Variants in GNG2 observed in about 807,000 individuals in gnomAD.
GNG2 encodes guanine nucleotide-binding protein G(I)/G(S)/G(O) subunit gamma-2.
GNG2 carries 5 observed loss-of-function variants against 5.5 expected under a neutral mutation model. The observed-to-expected ratio is 0.91, with a 90% CI of 0.48 to 1.92. The LOEUF is 1.92. GNG2 is among the 30% of genes most tolerant of loss of function. GNG2 has a pLI of 0.01. For synonymous variants in GNG2, 28 were observed against 32.0 expected, an observed-to-expected ratio of 0.88 and a Z score of 0.42; for missense variants, 55 against 88.4, an observed-to-expected ratio of 0.62 and a Z score of 1.52.
intron 2 of GNG2, among the ~76,000 whole-genome samples, chr14:51,842,043 G>A (rs1881498812): frequency 6.6e-6 from 1 of 152,114 alleles, no homozygotes; most frequent in Admixed American, 6.5e-5. Context: ...TGTCAAGAGG[G>A]CCTCCTTTTT....
chr14:51,918,548 C>T (rs1003130080), intron 2 of GNG2: 3 of 152,124 alleles, frequency 2.0e-5, no homozygotes, highest in Admixed American at 6.5e-5. Context: ...AGAATACTTG[C>T]CTTGTGTTTG....
intron 2 of GNG2, among the ~76,000 whole-genome samples, chr14:51,890,695 G>A (rs920322743): frequency 6.6e-6 from 1 of 152,138 alleles, no homozygotes; most frequent in Non-Finnish European, 1.5e-5. Context: ...ATTCAGTTAT[G>A]TATTAAGAAT....
intron 2 of GNG2, among the ~76,000 whole-genome samples, chr14:51,946,939 A>T (rs1433363072): frequency 6.6e-6 from 1 of 152,166 alleles, no homozygotes; most frequent in Non-Finnish European, 1.5e-5. Flanking sequence ...GGATGTGAAA[A>T]AAAAGGGAAA....
At chr14:51,855,953 A>C (rs1181462856), upstream of GNG2, among the ~76,000 whole-genome samples, 1 of 152,216 alleles carries the variant, frequency 6.6e-6, no homozygotes, top group African/African-American at 2.4e-5. Flanking sequence ...CAGGTGGATC[A>C]CCTGAGGTCA....
intron 2 of GNG2, among the ~76,000 whole-genome samples, chr14:51,922,169 T>TG (rs1887053091): frequency 6.6e-6 from 1 of 152,212 alleles, no homozygotes; most frequent in African/African-American, 2.4e-5. Flanking sequence ...TATTGTGATT[T>TG]GGGGATGTCT....
chr14:51,846,046 A>G (rs934415557), intron 2 of GNG2, among the ~76,000 whole-genome samples: 1 of 152,192 alleles, frequency 6.6e-6, no homozygotes, highest in Non-Finnish European at 1.5e-5. Flanking sequence ...CTTGTGATTC[A>G]GCTGCCAAAA....
intron 2 of GNG2, among the ~76,000 whole-genome samples, chr14:51,851,046 C>T (rs899050465): frequency 6.6e-5 from 10 of 152,224 alleles, no homozygotes; most frequent in African/African-American, 1.4e-4. Context: ...AGCTTATGTA[C>T]ACAATGTTAT....
rs116969612 is a variant in GNG2 at position 51,954,118 on chromosome 14, C to T, written c.87+3353C>T. On this transcript the variant is annotated intron_variant, in intron 3 of 3. Transcript: ENST00000556766. Reference sequence around the variant, plus strand: ...CCCTACTCTATGAATAACATAGTTACATGAATAGCATGTTTGTTTTTTAAG... The same window carrying T: ...CCCTACTCTATGAATAACATAGTTATATGAATAGCATGTTTGTTTTTTAAG... Among the ~76,000 whole-genome samples, 62 of 152,264 alleles carry T rather than the reference C, an allele frequency of 4.1e-4. No individual in the cohort carries two copies. The East Asian group carries it at 0.011, about 26-fold the overall frequency.
At chr14:51,856,451 C>A (rs989179357), upstream of GNG2, among the ~76,000 whole-genome samples, 3 of 151,970 alleles carry the variant, frequency 2.0e-5, no homozygotes, top group Non-Finnish European at 4.4e-5. Flanking sequence ...TGTTGTTGTT[C>A]GAGACGGAGT....
chr14:51,862,653 G>A (rs1399639400), intron 1 of GNG2, among the ~76,000 whole-genome samples: 1 of 152,266 alleles, frequency 6.6e-6, no homozygotes, highest in Non-Finnish European at 1.5e-5. Flanking sequence ...TCACACATGA[G>A]TAAGAAAATG....
intron 2 of GNG2, among the ~76,000 whole-genome samples, chr14:51,910,618 G>C (rs952408018): frequency 6.6e-6 from 1 of 152,134 alleles, no homozygotes; most frequent in African/African-American, 2.4e-5. Context: ...GGCAAACACT[G>C]CTGTGCCCCA....
upstream of GNG2, among the ~76,000 whole-genome samples, chr14:51,858,784 C>T (rs561989126): frequency 2.6e-5 from 4 of 152,292 alleles, no homozygotes; most frequent in East Asian, 1.9e-4. Flanking sequence ...TGCCCAATCC[C>T]TCTCACTACT....
At chr14:51,951,191 T>C (rs1888956647) in intron 3 of GNG2, among the ~76,000 whole-genome samples, 1 of 152,256 alleles carries the variant, frequency 6.6e-6, no homozygotes, top group African/African-American at 2.4e-5. Context: ...CCTTGCACGT[T>C]ATAAGTTTTT....
chr14:51,959,663 C>T (rs988092431), intron 3 of GNG2, among the ~76,000 whole-genome samples: 4 of 109,874 alleles, frequency 3.6e-5, no homozygotes, highest in African/African-American at 8.9e-5. Flanking sequence ...CTGAGTGCTT[C>T]GTTAGAATGT....
chr14:51,923,208 T>G (rs1887118653), intron 2 of GNG2, among the ~76,000 whole-genome samples: 1 of 152,196 alleles, frequency 6.6e-6, no homozygotes, highest in Admixed American at 6.5e-5. Context: ...TGTGTTGCCC[T>G]TTCTGTTGGA....
At chr14:51,833,718 T>C (rs1476712452) in intron 2 of GNG2, among the ~76,000 whole-genome samples, 2 of 152,244 alleles carry the variant, frequency 1.3e-5, no homozygotes, top group African/African-American at 4.8e-5. Flanking sequence ...ATAATACTGA[T>C]TTTTAGAAAA....
intron 1 of GNG2, among the ~76,000 whole-genome samples, chr14:51,863,295 C>T (rs1278696129): frequency 6.6e-6 from 1 of 152,212 alleles, no homozygotes; most frequent in Non-Finnish European, 1.5e-5. Flanking sequence ...TACCTTGGTA[C>T]ATTAACTTAG....
intron 1 of GNG2, among the ~76,000 whole-genome samples, chr14:51,875,924 T>C (rs1023201688): frequency 4.2e-5 from 6 of 144,016 alleles, no homozygotes; most frequent in Non-Finnish European, 7.6e-5. Context: ...AAATGCATTT[T>C]TTCATCATTT....
intron 1 of GNG2, among the ~76,000 whole-genome samples, chr14:51,869,939 C>T (rs143110375): frequency 3.3e-5 from 5 of 152,254 alleles, no homozygotes; most frequent in South Asian, 2.1e-4. Flanking sequence ...AGTTTCCTCC[C>T]GAGGCCATGG....
Sources: allele counts gnomAD v4.1 joint callset (sites outside exome capture counted in the v4.1 genomes callset), GRCh38; gene constraint gnomAD v4.1.1; transcripts MANE v1.5; gene names NCBI Gene and HGNC (gene_info 2026-07-23, HGNC 2026-07-21).